TENM2: variants seen among roughly 807,000 people sequenced by gnomAD.
TENM2 encodes teneurin transmembrane protein 2.
Under a neutral mutation model 245.2 loss-of-function variants are expected in TENM2, and 52 were observed. The ratio of observed to expected loss-of-function variants is 0.21; its 90% CI spans 0.17 to 0.27. The LOEUF (loss-of-function observed/expected upper bound fraction) is 0.27. TENM2 is among the 10% of genes least tolerant of loss of function. TENM2 has a pLI of 1.00. For missense variants in TENM2, 3,046 were observed against 3,666.8 expected (o/e 0.83, Z 4.37); for synonymous variants, 1,363 against 1,438.9 (o/e 0.95, Z 1.19).
At chr5:167,229,372 C>T in the TENM2 span, among the ~76,000 whole-genome samples, 1 of 152,166 alleles carries the variant, frequency 6.6e-6, no homozygotes, top group Non-Finnish European at 1.5e-5. Context: ...ATAGCTTGCT[C>T]AGGTGACAGG....
chr5:167,268,560 G>T, the TENM2 span, among the ~76,000 whole-genome samples: 5 of 152,296 alleles, frequency 3.3e-5, no homozygotes, highest in African/African-American at 1.2e-4. Context: ...TGTTTGATGT[G>T]AAGCTATTTG....
intron 7 of TENM2, among the ~76,000 whole-genome samples, chr5:168,083,883 A>G (rs1792215823): frequency 2.6e-5 from 4 of 152,062 alleles, no homozygotes. Context: ...AACCAACAGT[A>G]AAAATCCCAG....
intron 2 of TENM2, among the ~76,000 whole-genome samples, chr5:167,702,959 A>C (rs1301038860): frequency 6.6e-6 from 1 of 152,122 alleles, no homozygotes. Context: ...CACCACGCCC[A>C]GCCACTTTTT....
chr5:167,999,545 C>T (rs1394117397), intron 5 of TENM2, among the ~76,000 whole-genome samples: 2 of 152,214 alleles, frequency 1.3e-5, no homozygotes, highest in African/African-American at 4.8e-5. Context: ...CATTCATTAG[C>T]TAGGTCTCCA....
intron 2 of TENM2, among the ~76,000 whole-genome samples, chr5:167,795,687 CA>C (rs201667872): frequency 1.1e-3 from 162 of 148,462 alleles, no homozygotes; most frequent in African/African-American, 3.7e-3. Flanking sequence ...AAAGAATTTC[CA>C]AAAAAAAATG....
intron 2 of TENM2, among the ~76,000 whole-genome samples, chr5:167,499,057 C>T (rs755056040): frequency 2.2e-4 from 34 of 152,062 alleles, no homozygotes; most frequent in Non-Finnish European, 4.3e-4. Flanking sequence ...CTTTTTCTTG[C>T]ACTCTCTTCC....
At chr5:167,775,480 G>A (rs192937642) in intron 2 of TENM2, among the ~76,000 whole-genome samples, 3 of 152,272 alleles carry the variant, frequency 2.0e-5, no homozygotes, top group East Asian at 3.9e-4. Flanking sequence ...ACAAAAGCAG[G>A]ACTCACTTTT....
intron 5 of TENM2, among the ~76,000 whole-genome samples, chr5:168,027,529 G>A (rs1204289512): frequency 1.3e-5 from 2 of 152,160 alleles, no homozygotes; most frequent in Non-Finnish European, 2.9e-5. Context: ...CCAAATTTGA[G>A]CTCCGTGTTT....
chr5:167,129,902 T>C, the TENM2 span, among the ~76,000 whole-genome samples: 1 of 152,168 alleles, frequency 6.6e-6, no homozygotes, highest in Non-Finnish European at 1.5e-5. Flanking sequence ...ATCCTGTGCA[T>C]GTTTTAATGT....
chr5:167,910,320 C>T (rs889270192), intron 3 of TENM2, among the ~76,000 whole-genome samples: 2 of 152,108 alleles, frequency 1.3e-5, no homozygotes, highest in Non-Finnish European at 2.9e-5. Context: ...GATTAAATGC[C>T]CTTGCCATTC....
chr5:168,152,093 C>G (rs1428578273), intron 12 of TENM2, among the ~76,000 whole-genome samples: 1 of 152,198 alleles, frequency 6.6e-6, no homozygotes, highest in Non-Finnish European at 1.5e-5. Flanking sequence ...TTTTCCATGC[C>G]TCCATTTCCT....
intron 2 of TENM2, among the ~76,000 whole-genome samples, chr5:167,525,005 C>A (rs919271646): frequency 4.8e-4 from 73 of 151,890 alleles, no homozygotes; most frequent in Non-Finnish European, 2.5e-4. Flanking sequence ...TTGGTATTTC[C>A]CAACCTGGTG....
At chr5:167,274,928 G>A in the TENM2 span, among the ~76,000 whole-genome samples, 1 of 151,860 alleles carries the variant, frequency 6.6e-6, no homozygotes, top group African/African-American at 2.4e-5. Context: ...TATATGGTTT[G>A]TACATACATT....
intron 2 of TENM2, among the ~76,000 whole-genome samples, chr5:167,556,780 C>G (rs1405184881): frequency 6.6e-6 from 1 of 152,100 alleles, no homozygotes; most frequent in Non-Finnish European, 1.5e-5. Context: ...CCTGGGAGAA[C>G]ATGCAAGGCT....
At chr5:167,405,619 T>G (rs145361818) in intron 2 of TENM2, among the ~76,000 whole-genome samples, 1 of 152,110 alleles carries the variant, frequency 6.6e-6, no homozygotes, top group Non-Finnish European at 1.5e-5. Flanking sequence ...TCTCTTCGTA[T>G]TGACAGTGTG....
At chr5:167,580,954 A>T (rs1383062516) in intron 2 of TENM2, among the ~76,000 whole-genome samples, 1 of 152,174 alleles carries the variant, frequency 6.6e-6, no homozygotes, top group Non-Finnish European at 1.5e-5. Context: ...GTGCCGCTGC[A>T]CTCCAGCCTG....
chr5:167,506,517 C>T (rs1177385180), intron 2 of TENM2, among the ~76,000 whole-genome samples: 1 of 152,136 alleles, frequency 6.6e-6, no homozygotes, highest in African/African-American at 2.4e-5. Flanking sequence ...CTTGCTGTTA[C>T]AAATAGGCTG....
chr5:167,492,494 A>G (rs989846895), intron 2 of TENM2, among the ~76,000 whole-genome samples: 1 of 152,094 alleles, frequency 6.6e-6, no homozygotes, highest in Non-Finnish European at 1.5e-5. Flanking sequence ...ATAATACACA[A>G]TGTTATTAAG....
intron 2 of TENM2, among the ~76,000 whole-genome samples, chr5:167,791,826 C>G (rs1438227435): frequency 6.6e-6 from 1 of 151,982 alleles, no homozygotes; most frequent in East Asian, 1.9e-4. Flanking sequence ...ACAGCCTGAC[C>G]GCTGGGCCAC....
Sources: gnomAD v4.1 joint callset for allele counts (sites outside exome capture counted in the v4.1 genomes callset) on GRCh38, gnomAD v4.1.1 for gene constraint, MANE v1.5 for transcripts, NCBI Gene and HGNC (gene_info 2026-07-23, HGNC 2026-07-21) for gene names.